TNR: variants seen among roughly 807,000 people sequenced by gnomAD.
The protein encoded by TNR is tenascin-R.
TNR carries 45 observed loss-of-function variants against 150.4 expected under a neutral mutation model. The observed-to-expected ratio is 0.30, with a 90% CI of 0.24 to 0.38. TNR has a LOEUF of 0.38. TNR is among the 10% of genes least tolerant of loss of function. The pLI, the probability that TNR is intolerant of heterozygous loss-of-function variation, is 1.00. For missense variants in TNR, 1,544 were observed against 1,759.1 expected, an observed-to-expected ratio of 0.88 and a Z score of 2.19; for synonymous variants, 687 against 678.4, an observed-to-expected ratio of 1.01 and a Z score of -0.20.
intron 7 of TNR, among the ~76,000 whole-genome samples, chr1:175,390,746 A>G (rs1178158276): frequency 6.6e-6 from 1 of 152,234 alleles, no homozygotes; most frequent in Non-Finnish European, 1.5e-5. Context: ...TGTTCTGAGT[A>G]TATGTGCGTA....
intron 2 of TNR, among the ~76,000 whole-genome samples, chr1:175,437,845 A>G (rs1285554810): frequency 6.6e-5 from 10 of 152,238 alleles, no homozygotes; most frequent in Admixed American, 3.9e-4. Flanking sequence ...TTGAATCTCC[A>G]AATAGACCAA....
intron 14 of TNR, among the ~76,000 whole-genome samples, chr1:175,361,118 G>T (rs1651567805): frequency 6.6e-6 from 1 of 152,162 alleles, no homozygotes. Context: ...CTGGCATGCA[G>T]TGGCATGATC....
intron 18 of TNR, among the ~76,000 whole-genome samples, chr1:175,348,458 C>G (rs1650902362): frequency 6.6e-6 from 1 of 152,028 alleles, no homozygotes; most frequent in African/African-American, 2.4e-5. Flanking sequence ...ATAAAGGTCA[C>G]CAATTAGGTA....
At chr1:175,426,059 C>G (rs1427265792) in intron 2 of TNR, among the ~76,000 whole-genome samples, 5 of 152,126 alleles carry the variant, frequency 3.3e-5, no homozygotes, top group Non-Finnish European at 7.4e-5. Context: ...CCTTTGGCTG[C>G]TAGAGGAAGC....
intron 1 of TNR, among the ~76,000 whole-genome samples, chr1:175,719,340 C>T (rs1667239071): frequency 6.6e-6 from 1 of 152,194 alleles, no homozygotes; most frequent in African/African-American, 2.4e-5. Context: ...CCCATCCACA[C>T]ACTGCAGCAC....
rs151065400 is a variant in TNR at position 175,741,562 on chromosome 1, C to T, written c.-165+1664G>A. Among the ~76,000 whole-genome samples, 550 of 152,272 alleles carry T rather than the reference C, an allele frequency of 3.6e-3. 3 individuals are homozygous for T. The highest frequency in any genetic ancestry group is 6.2e-3 in the Non-Finnish European group (424 of 68,036). Reference sequence around the variant, plus strand: ...AATGAGTCAGTGTTGGTTTCTGATGCTCTGCATTTGTCTATTTCAGTCTTT... The same window carrying T: ...AATGAGTCAGTGTTGGTTTCTGATGTTCTGCATTTGTCTATTTCAGTCTTT... On this transcript the variant is annotated intron_variant, in intron 1 of 22. Transcript: ENST00000367674.
chr1:175,329,621 T>C (rs10489321), intron 21 of TNR, among the ~76,000 whole-genome samples: 72,663 of 152,064 alleles, frequency 0.48, 19,654 homozygotes, highest in East Asian at 0.77. Context: ...TTTGCACTAA[T>C]TCAAAGATGG....
In TNR at chr1:175,330,100, C is replaced by A. The variant is rs749340219; in HGVS notation, c.3767G>T (p.Arg1256Leu). ...VEDSRNLYKLRIGSYNGTAGD... is the reference protein window; with the variant it reads ...VEDSRNLYKLLIGSYNGTAGD... ...CGCAGTGCCGTTGTAGCTTCCTATG[C>A]GGAGTTTGTACAGGTTTCTGCTGTC... The change falls in exon 21 of 23, where the codon CGC (arginine) becomes CTC (leucine). Residue 1256 changes from arginine (R) to leucine (L), a missense_variant. Around this residue, in one of 2 missense-constraint regions of TNR, gnomAD observed 290 missense variants for 429.7 expected, o/e 0.67. Coordinates refer to ENST00000367674, the MANE Select transcript of TNR (RefSeq NM_003285.3). 3.1e-6 allele frequency: 5 copies of A among 1,603,046 alleles called. No homozygotes were observed. Among genetic ancestry groups the A allele is most frequent in the South Asian group, 1.1e-5 (1 of 90,394 alleles).
intron 1 of TNR, among the ~76,000 whole-genome samples, chr1:175,547,666 GAA>G (rs1378839842): frequency 1.3e-5 from 2 of 150,234 alleles, no homozygotes; most frequent in Admixed American, 6.6e-5. Flanking sequence ...AAGAAAGAAA[GAA>G]AGAAAGAGAG....
At chr1:175,529,975 T>C (rs1328486409) in intron 1 of TNR, among the ~76,000 whole-genome samples, 1 of 152,238 alleles carries the variant, frequency 6.6e-6, no homozygotes, top group Non-Finnish European at 1.5e-5. Context: ...GGCACAGTTA[T>C]TCACTCATTC....
chr1:175,419,022 T>A (rs1311908752), intron 2 of TNR, among the ~76,000 whole-genome samples: 1 of 152,208 alleles, frequency 6.6e-6, no homozygotes, highest in Non-Finnish European at 1.5e-5. Flanking sequence ...GATTTTTTTC[T>A]TATCGCTTAT....
intron 2 of TNR, among the ~76,000 whole-genome samples, chr1:175,476,342 A>T (rs1292506764): frequency 6.6e-6 from 1 of 152,140 alleles, no homozygotes; most frequent in Non-Finnish European, 1.5e-5. Context: ...TAAGTAGGTG[A>T]TGTATGGCAA....
intron 2 of TNR, among the ~76,000 whole-genome samples, chr1:175,468,807 G>A (rs1015592487): frequency 1.3e-5 from 2 of 152,146 alleles, no homozygotes; most frequent in Non-Finnish European, 2.9e-5. Context: ...GGTGGGGCCA[G>A]CCTGGTAGTC....
chr1:175,424,686 T>A (rs11802850), intron 2 of TNR, among the ~76,000 whole-genome samples: 1 of 151,610 alleles, frequency 6.6e-6, no homozygotes, highest in African/African-American at 2.4e-5. Context: ...AGGATGGGAG[T>A]TACAGGACTG....
chr1:175,606,568 T>C (rs999581227), intron 1 of TNR, among the ~76,000 whole-genome samples: 1 of 151,978 alleles, frequency 6.6e-6, no homozygotes, highest in Non-Finnish European at 1.5e-5. Flanking sequence ...AGTGAAGGGG[T>C]TTCCTAGGAT....
chr1:175,528,657 G>C (rs1202640450), intron 1 of TNR, among the ~76,000 whole-genome samples: 1 of 152,086 alleles, frequency 6.6e-6, no homozygotes, highest in African/African-American at 2.4e-5. Context: ...TGTGCTTTAG[G>C]TTTTTGAAAG....
At chr1:175,559,345 A>G (rs1333406333) in intron 1 of TNR, among the ~76,000 whole-genome samples, 2 of 152,174 alleles carry the variant, frequency 1.3e-5, no homozygotes, top group Admixed American at 1.3e-4. Context: ...CTCCCTCAAA[A>G]TGCATTATTT....
chr1:175,352,943 G>C (rs1376042146), intron 18 of TNR, among the ~76,000 whole-genome samples: 1 of 152,082 alleles, frequency 6.6e-6, no homozygotes, highest in Non-Finnish European at 1.5e-5. Context: ...CACCTCTCTG[G>C]GGATGGAGGA....
intron 9 of TNR, among the ~76,000 whole-genome samples, chr1:175,369,507 A>G (rs1355406366): frequency 6.6e-6 from 1 of 152,212 alleles, no homozygotes; most frequent in African/African-American, 2.4e-5. Context: ...CTAATCCAGT[A>G]TGACCTCATC....
Sources: allele counts gnomAD v4.1 joint callset (sites outside exome capture counted in the v4.1 genomes callset), GRCh38; gene constraint gnomAD v4.1.1; regional missense constraint gnomAD v4.1.1; transcripts MANE v1.5; gene names NCBI Gene and HGNC (gene_info 2026-07-23, HGNC 2026-07-21).